Variants in KIF13A observed in about 807,000 individuals in gnomAD.
The protein encoded by KIF13A is kinesin-like protein KIF13A.
KIF13A carries 79 observed loss-of-function variants against 212.2 expected under a neutral mutation model. The observed-to-expected ratio is 0.37, with a 90% CI of 0.31 to 0.45. The LOEUF is 0.45. Among genes scored for constraint, KIF13A ranks in the 20% least tolerant of loss-of-function variants. The pLI is 1.00. For synonymous variants in KIF13A, 789 were observed against 808.6 expected, an observed-to-expected ratio of 0.98 and a Z score of 0.41; for missense variants, 1,901 against 2,209.0, an observed-to-expected ratio of 0.86 and a Z score of 2.79.
chr6:17,826,106 G>T lies in KIF13A; in HGVS notation c.1551C>A (p.Thr517=). 1 of 1,613,844 alleles carries T rather than the reference G, an allele frequency of 6.2e-7. No homozygotes were observed. The highest frequency in any genetic ancestry group is 1.1e-5 in the South Asian group (1 of 91,078). Residue 517 remains threonine, a synonymous_variant, in exon 15 of 39, where the codon ACC becomes ACA. Coordinates refer to ENST00000259711, the MANE Select transcript of KIF13A (RefSeq NM_022113.6). This position sits in a 1 kb window ranked among gnomAD's most constrained non-coding sequence, Gnocchi z 4.7. The stretch of plus-strand genomic sequence containing the variant: ...ACAGCTGGGTGGTACTGCACACAAG[G>T]GTGCCGTTCACACAGGACCTGGGAG... ...KENARSCVNG[T]LVCSTTQLWH...
rs1437561362 is a variant in KIF13A at position 17,773,334 on chromosome 6, T to A, written c.4324+144A>T. ...AATCAAATAAGTGAATGTTATATGTTACATTCAATAACAGTTTTGTATCAT... is the reference window on the plus strand; with the variant it reads ...AATCAAATAAGTGAATGTTATATGTAACATTCAATAACAGTTTTGTATCAT... On this transcript the variant is annotated intron_variant, in intron 36 of 38. Transcript: ENST00000259711. The surrounding 1 kb of genome is among the most constrained non-coding windows in gnomAD (Gnocchi z 4.2). 9 of 492,668 alleles carry A rather than the reference T, an allele frequency of 1.8e-5. No individual in the cohort carries two copies. The East Asian group carries it at 2.4e-4, about 13-fold the overall frequency. The allele number at this position is 492,668 out of a possible 1,614,324, so 30.5% of individuals were successfully genotyped here.
rs1581873246 is a variant in KIF13A, at chr6:17,963,120, A to C, written c.146+23934T>G. Among the ~76,000 whole-genome samples the C allele has an allele frequency of 6.6e-6, 1 of 152,170 alleles. No individual in the cohort carries two copies. Among genetic ancestry groups the C allele is most frequent in the East Asian group, 1.9e-4 (1 of 5,186 alleles). ...CCAATGGAAGTGAGGTGAGGGAGTA[A>C]GAGTGTCATGTGAAAGGCTGGGTGC... On this transcript the variant is annotated intron_variant, in intron 2 of 38. Transcript: ENST00000259711. The surrounding 1 kb of genome is among the most constrained non-coding windows in gnomAD (Gnocchi z 4.1).
In KIF13A at chr6:17,769,799, T is replaced by C. The variant is rs1759329324; in HGVS notation, c.4581+1315A>G. 6.6e-6 allele frequency among the ~76,000 whole-genome samples: 1 copy of C among 152,072 alleles called. No homozygotes were observed. The highest frequency in any genetic ancestry group is 1.5e-5 in the Non-Finnish European group (1 of 68,018). ...TTTTTAGCCCACACTGCAGCCCTTA[T>C]TAATTGAGCAGAGGGTGGTCAGGTA... is the stretch of plus-strand genomic sequence containing the variant. On this transcript the variant is annotated intron_variant, in intron 38 of 38. Transcript: ENST00000259711. The surrounding 1 kb of genome is among the most constrained non-coding windows in gnomAD (Gnocchi z 5.8).
intron 16 of KIF13A, among the ~76,000 whole-genome samples, chr6:17,818,513 A>T (rs572779923): frequency 2.8e-4 from 42 of 152,342 alleles, no homozygotes; most frequent in African/African-American, 9.6e-4. Flanking sequence ...CAATTTTTTT[A>T]AAATCACAAG....
intron 2 of KIF13A, among the ~76,000 whole-genome samples, chr6:17,910,830 T>G (rs1047612017): frequency 3.9e-5 from 6 of 152,208 alleles, no homozygotes; most frequent in Non-Finnish European, 4.4e-5. Context: ...TGGTGTGATC[T>G]CAGCTCACTG....
chr6:17,953,681 G>C, intron 2 of KIF13A: 1 of 171,588 alleles, frequency 5.8e-6, no homozygotes, highest in African/African-American at 2.3e-5. Context: ...CAAGCACCGA[G>C]CCCATCTTTG....
In KIF13A at chr6:17,898,085, T is replaced by A; in HGVS notation, c.159+83A>T. 1 of 1,274,368 alleles carries A rather than the reference T, an allele frequency of 7.8e-7. No homozygotes were observed. Among genetic ancestry groups the A allele is most frequent in the Non-Finnish European group, 1.1e-6 (1 of 890,746 alleles). The allele number at this position is 1,274,368 out of a possible 1,614,324, so 78.9% of individuals were successfully genotyped here. A position where few individuals can be genotyped will look rare whatever the true frequency, so the allele number is the denominator to read the frequency against. The stretch of plus-strand genomic sequence containing the variant: ...TGTTTTCAGTTCTCAATGAGACAGA[T>A]GTTCTACATGGGTTACAGTGATAAA... On this transcript the variant is annotated intron_variant, in intron 3 of 38. Transcript: ENST00000259711. This position sits in a 1 kb window ranked among gnomAD's most constrained non-coding sequence, Gnocchi z 5.2.
At chr6:17,890,420 C>A (rs1024179323) in intron 3 of KIF13A, among the ~76,000 whole-genome samples, 1 of 151,970 alleles carries the variant, frequency 6.6e-6, no homozygotes, top group Non-Finnish European at 1.5e-5. Context: ...ATTCTGAGGC[C>A]ACCTGGGGAT....
Position 17,785,763 on chromosome 6 carries a change from A to AC in KIF13A, c.3362-123_3362-122insG. On this transcript the variant is annotated intron_variant, in intron 27 of 38. Transcript: ENST00000259711. The surrounding 1 kb of genome is among the most constrained non-coding windows in gnomAD (Gnocchi z 5.8). ...CCCCATCTCTACCAAAAAAAAAAAAATAGTTGGGCAGGGTGGTGGTACGCA... is the reference window on the plus strand; with the variant it reads ...CCCCATCTCTACCAAAAAAAAAAAAACTAGTTGGGCAGGGTGGTGGTACGCA... 1 of 1,020,550 alleles carries AC rather than the reference A, an allele frequency of 9.8e-7. No individual in the cohort carries two copies. The allele number at this position is 1,020,550 out of a possible 1,614,324, so 63.2% of individuals were successfully genotyped here.
At chr6:17,908,022 C>T (rs979591334) in intron 2 of KIF13A, among the ~76,000 whole-genome samples, 4 of 152,142 alleles carry the variant, frequency 2.6e-5, no homozygotes, top group African/African-American at 9.7e-5. Flanking sequence ...GCAGCCCTCA[C>T]CGTGTGTAAG....
chr6:17,905,410 A>C (rs1178402592), intron 2 of KIF13A, among the ~76,000 whole-genome samples: 1 of 152,218 alleles, frequency 6.6e-6, no homozygotes, highest in Non-Finnish European at 1.5e-5. Context: ...TGAATAATTA[A>C]TATTAAGTGG....
At chr6:17,925,775 C>A (rs1775444443) in intron 2 of KIF13A, among the ~76,000 whole-genome samples, 2 of 152,118 alleles carry the variant, frequency 1.3e-5, no homozygotes, top group Non-Finnish European at 2.9e-5. Flanking sequence ...GGGGGGCTAC[C>A]AGAGTAATGA....
chr6:17,957,726 GA>G (rs925553292), intron 2 of KIF13A, among the ~76,000 whole-genome samples: 3 of 152,162 alleles, frequency 2.0e-5, no homozygotes, highest in African/African-American at 7.2e-5. Context: ...GTTGGTGGGG[GA>G]AAACCCCAAG....
In KIF13A at chr6:17,872,144, G is replaced by A. The variant is rs568680756; in HGVS notation, c.220+1233C>T. Among the ~76,000 whole-genome samples the A allele has an allele frequency of 4.5e-4, 68 of 152,306 alleles. No homozygotes were observed. The highest frequency in any genetic ancestry group is 1.5e-3 in the African/African-American group (64 of 41,566). On this transcript the variant is annotated intron_variant, in intron 4 of 38. Coordinates refer to ENST00000259711, the MANE Select transcript of KIF13A (RefSeq NM_022113.6). The surrounding 1 kb of genome is among the most constrained non-coding windows in gnomAD (Gnocchi z 4.7). ...GCTAATTTACCCAGTGTGAGCAACT[G>A]AAGGAATTCTCCTAGTCCAAGATTG... is the stretch of plus-strand genomic sequence containing the variant.
Position 17,855,679 on chromosome 6 carries a change from C to T in KIF13A, c.314-62G>A, listed in dbSNP as rs1768072220. 1 of 1,330,040 alleles carries T rather than the reference C, an allele frequency of 7.5e-7. No homozygotes were observed. Among genetic ancestry groups the T allele is most frequent in the Non-Finnish European group, 1.0e-6 (1 of 971,132 alleles). 82.4% of individuals were successfully genotyped at this position (1,330,040 alleles called of 1,614,324 possible). On this transcript the variant is annotated intron_variant, in intron 5 of 38. Coordinates refer to ENST00000259711, the MANE Select transcript of KIF13A (RefSeq NM_022113.6). This position sits in a 1 kb window ranked among gnomAD's most constrained non-coding sequence, Gnocchi z 4.1. ...GAGGGAGCAAAATGCAATGCTTCAACCATACAAGGTTTCCCCATATACTGG... is the reference window on the plus strand; with the variant it reads ...GAGGGAGCAAAATGCAATGCTTCAATCATACAAGGTTTCCCCATATACTGG...
In KIF13A at chr6:17,857,304, C is replaced by T. The variant is rs577852861; in HGVS notation, c.221-1182G>A. 8.5e-5 allele frequency among the ~76,000 whole-genome samples: 13 copies of T among 152,288 alleles called. No homozygotes were observed. In the South Asian group the frequency reaches 2.5e-3, roughly 29 times the overall value. ...ATCTCATCTTGAATTGTAATCCCCA[C>T]GTGTCAAGGGAGGGACCTGTTGGGA... On this transcript the variant is annotated intron_variant, in intron 4 of 38. Transcript: ENST00000259711.
Position 17,984,640 on chromosome 6 carries a change from G to A in KIF13A, c.146+2414C>T. On this transcript the variant is annotated intron_variant, in intron 2 of 38. Coordinates refer to ENST00000259711, the MANE Select transcript of KIF13A (RefSeq NM_022113.6). This position sits in a 1 kb window ranked among gnomAD's most constrained non-coding sequence, Gnocchi z 5.0. ...CATTCTCACTTGTTTTTACTGGTAA[G>A]ACTGAAAACTTTCACCCACTAACCT... 1 of 693,420 alleles carries A rather than the reference G, an allele frequency of 1.4e-6. No homozygotes were observed. Among genetic ancestry groups the A allele is most frequent in the Non-Finnish European group, 1.8e-6 (1 of 564,540 alleles). 43.0% of individuals were successfully genotyped at this position (693,420 alleles called of 1,614,324 possible). A position where few individuals can be genotyped will look rare whatever the true frequency, so the allele number is the denominator to read the frequency against.
intron 2 of KIF13A, among the ~76,000 whole-genome samples, chr6:17,936,915 C>A (rs1776521223): frequency 6.6e-6 from 1 of 152,136 alleles, no homozygotes; most frequent in African/African-American, 2.4e-5. Flanking sequence ...TGGTGGCTCA[C>A]ACCTATAATC....
rs566216254 is a variant in KIF13A, at chr6:17,911,769, T to TA, written c.147-13590_147-13589insT. On this transcript the variant is annotated intron_variant, in intron 2 of 38. Coordinates refer to ENST00000259711, the MANE Select transcript of KIF13A (RefSeq NM_022113.6). ...GCAAGGTGACTATAGTCAATAATAA[T>TA]TTTTTTTTTTTTTGAGACAGATTCT... Among the ~76,000 whole-genome samples the TA allele has an allele frequency of 1.9e-3, 31 of 16,104 alleles. No individual in the cohort carries two copies. The East Asian group carries it at 0.092, about 48-fold the overall frequency. 10.6% of individuals were successfully genotyped at this position (16,104 alleles called of 152,430 possible).
Sources: gnomAD v4.1 joint callset for allele counts (sites outside exome capture counted in the v4.1 genomes callset) on GRCh38, gnomAD v4.1.1 for gene constraint, Gnocchi (gnomAD v3.1) non-coding constraint, MANE v1.5 for transcripts, NCBI Gene and HGNC (gene_info 2026-07-23, HGNC 2026-07-21) for gene names.